Variants in RANBP2 observed in about 807,000 individuals in gnomAD.
RANBP2 encodes E3 SUMO-protein ligase RanBP2.
Under a neutral mutation model 303.6 loss-of-function variants are expected in RANBP2, and 57 were observed. The ratio of observed to expected loss-of-function variants is 0.19; its 90% CI spans 0.15 to 0.23. The LOEUF (loss-of-function observed/expected upper bound fraction) is 0.23, where lower values mean the gene tolerates loss of function less well. Ranked by LOEUF, RANBP2 falls within the 10% of genes least tolerant of loss-of-function variation. The pLI is 1.00. For missense variants in RANBP2, 3,138 were observed against 3,780.8 expected, an observed-to-expected ratio of 0.83 and a Z score of 4.46; for synonymous variants, 1,167 against 1,301.5, an observed-to-expected ratio of 0.90 and a Z score of 2.23.
the RANBP2 span, among the ~76,000 whole-genome samples, chr2:109,198,066 T>G: frequency 6.6e-6 from 1 of 152,138 alleles, no homozygotes; most frequent in Non-Finnish European, 1.5e-5. Context: ...CCATGCAGTG[T>G]GTCAGTTGGG....
chr2:108,836,919 G>A, the RANBP2 span, among the ~76,000 whole-genome samples: 4 of 151,714 alleles, frequency 2.6e-5, no homozygotes, highest in African/African-American at 9.7e-5. Flanking sequence ...TTTGTATTCA[G>A]CAACTTTGCT....
the RANBP2 span, among the ~76,000 whole-genome samples, chr2:109,244,300 A>C: frequency 2.6e-5 from 4 of 152,204 alleles, no homozygotes; most frequent in African/African-American, 9.7e-5. Context: ...TCTTCAGGCA[A>C]ATGTGCACAT....
At chr2:109,365,888 A>G in the RANBP2 span, among the ~76,000 whole-genome samples, 1 of 152,230 alleles carries the variant, frequency 6.6e-6, no homozygotes, top group Non-Finnish European at 1.5e-5. Flanking sequence ...AAAGAAAAGT[A>G]TATTTTTGAT....
the RANBP2 span, among the ~76,000 whole-genome samples, chr2:109,243,491 A>G: frequency 1.1e-4 from 16 of 152,210 alleles, no homozygotes; most frequent in Admixed American, 5.2e-4. Context: ...AGGCCAATGA[A>G]CAGGAAATGC....
chr2:108,930,322 T>C, the RANBP2 span: 3 of 1,591,464 alleles, frequency 1.9e-6, no homozygotes. Flanking sequence ...AAGGTTGACA[T>C]AGGAAGGGGG....
the RANBP2 span, among the ~76,000 whole-genome samples, chr2:109,158,217 C>T: frequency 1.3e-5 from 2 of 152,172 alleles, no homozygotes; most frequent in African/African-American, 4.8e-5. Flanking sequence ...CTGGGGAGGA[C>T]ACTGTCCTCA....
chr2:109,398,693 G>T, the RANBP2 span: 59 of 1,611,232 alleles, frequency 3.7e-5, no homozygotes, highest in African/African-American at 2.5e-4. Flanking sequence ...GCTGTGGCCA[G>T]CGTGGCCCCA....
chr2:109,299,688 G>A, the RANBP2 span, among the ~76,000 whole-genome samples: 1 of 152,226 alleles, frequency 6.6e-6, no homozygotes, highest in South Asian at 2.1e-4. Context: ...AGTTCTGCCC[G>A]GAATGTTCTA....
intron 9 of RANBP2, among the ~76,000 whole-genome samples, chr2:108,750,114 A>T (rs529387824): frequency 1.3e-5 from 2 of 152,252 alleles, no homozygotes; most frequent in African/African-American, 2.4e-5. Context: ...CTGCTGCACG[A>T]CAGCCTGGGC....
At chr2:108,993,199 A>T in the RANBP2 span, among the ~76,000 whole-genome samples, 1 of 152,146 alleles carries the variant, frequency 6.6e-6, no homozygotes, top group African/African-American at 2.4e-5. Flanking sequence ...AGACTTGCGA[A>T]GGAAGAAGGC....
chr2:108,753,331 T>C (rs1039979972), intron 13 of RANBP2, 95 bp from the exon 14 acceptor site: 280 of 1,601,780 alleles, frequency 1.7e-4, no homozygotes, highest in Non-Finnish European at 2.3e-4. Flanking sequence ...AATGAGATGT[T>C]TGTCTCTTAA....
the RANBP2 span, among the ~76,000 whole-genome samples, chr2:109,349,182 G>C: frequency 6.6e-6 from 1 of 152,088 alleles, no homozygotes; most frequent in East Asian, 1.9e-4. Context: ...GGCACTCTCT[G>C]GAGGGCGGTA....
chr2:108,751,976 A>T lies in RANBP2; in HGVS notation c.1737A>T (p.Ala579=). ...GLQPALLVHW[A]ECLQKTGSGL... ...AACCTGCTCTGCTTGTACATTGGGCAGAATGCCTTCAGAAAACGGTGAGTT... is the reference window on the plus strand; with the variant it reads ...AACCTGCTCTGCTTGTACATTGGGCTGAATGCCTTCAGAAAACGGTGAGTT... Residue 579 remains alanine, a synonymous_variant, in exon 12 of 29, where the codon GCA becomes GCT. Coordinates refer to ENST00000283195, the MANE Select transcript of RANBP2 (RefSeq NM_006267.5). 1 of 1,612,012 alleles carries T rather than the reference A, an allele frequency of 6.2e-7. No homozygotes were observed. The highest frequency in any genetic ancestry group is 8.5e-7 in the Non-Finnish European group (1 of 1,179,856).
At chr2:109,794,608 C>CGGCGGCCCGGCCG in the RANBP2 span, 1 of 186,094 alleles carries the variant, frequency 5.4e-6, no homozygotes, top group African/African-American at 8.6e-5. Context: ...GCGGCGGCGG[C>CGGCGGCCCGGCCG]GGGGGGGGCG....
At chr2:108,807,667 G>T in the RANBP2 span, among the ~76,000 whole-genome samples, 1 of 152,146 alleles carries the variant, frequency 6.6e-6, no homozygotes, top group Non-Finnish European at 1.5e-5. Context: ...GCCCAGGCAG[G>T]AGTGCAGTGG....
At chr2:109,040,939 C>T in the RANBP2 span, among the ~76,000 whole-genome samples, 46 of 152,188 alleles carry the variant, frequency 3.0e-4, 1 homozygote, top group South Asian at 8.1e-3. Flanking sequence ...GCCTGTAGTC[C>T]CAGCTACTCG....
the RANBP2 span, among the ~76,000 whole-genome samples, chr2:109,152,088 A>G: frequency 1.3e-4 from 20 of 152,248 alleles, no homozygotes; most frequent in African/African-American, 4.6e-4. Context: ...CTTGATGGAC[A>G]TGGAGTCTAA....
chr2:109,418,138 C>T, the RANBP2 span, among the ~76,000 whole-genome samples: 1 of 152,128 alleles, frequency 6.6e-6, no homozygotes, highest in Non-Finnish European at 1.5e-5. Flanking sequence ...GGCCGAGGTA[C>T]CTGCAGCCTG....
chr2:109,419,490 G>A, the RANBP2 span: 2 of 1,533,698 alleles, frequency 1.3e-6, no homozygotes, highest in Non-Finnish European at 1.8e-6. Flanking sequence ...TCTTTCCCTT[G>A]GATGGAGTCT....
Sources: allele counts gnomAD v4.1 joint callset (sites outside exome capture counted in the v4.1 genomes callset), GRCh38; gene constraint gnomAD v4.1.1; transcripts MANE v1.5; gene names NCBI Gene and HGNC (gene_info 2026-07-23, HGNC 2026-07-21).